The following NKAIN2 variants were observed in gnomAD, a reference collection of about 807,000 sequenced individuals.
NKAIN2 encodes the protein sodium/potassium transporting ATPase interacting 2, also known as sodium/potassium-transporting ATPase subunit beta-1-interacting protein 2.
In NKAIN2, 14 loss-of-function variants were observed where a neutral mutation model predicts 32.6. That is an observed-to-expected ratio of 0.43 (90% CI 0.28 to 0.67). NKAIN2 has a LOEUF of 0.67. Ranked by LOEUF, NKAIN2 falls within the 30% of genes least tolerant of loss-of-function variation. The pLI, the probability that NKAIN2 is intolerant of heterozygous loss-of-function variation, is 0.17. For missense variants in NKAIN2, 198 were observed against 258.3 expected (o/e 0.77, Z 1.60); for synonymous variants, 80 against 87.2 (o/e 0.92, Z 0.46).
At chr6:124,387,719 G>A (rs777503989) in intron 3 of NKAIN2, among the ~76,000 whole-genome samples, 7 of 151,842 alleles carry the variant, frequency 4.6e-5, no homozygotes, top group Admixed American at 2.0e-4. Context: ...CCTATTTTTC[G>A]CCTTTTAAAG....
chr6:124,642,192 T>C (rs1784018856), intron 3 of NKAIN2, among the ~76,000 whole-genome samples: 1 of 152,216 alleles, frequency 6.6e-6, no homozygotes, highest in African/African-American at 2.4e-5. Flanking sequence ...GGGCTGCATT[T>C]CTATAAAGGC....
intron 4 of NKAIN2, among the ~76,000 whole-genome samples, chr6:124,748,732 G>A (rs1374667480): frequency 6.6e-6 from 1 of 151,488 alleles, no homozygotes; most frequent in Non-Finnish European, 1.5e-5. Flanking sequence ...TTTATCTGTG[G>A]GTTTCTCTAG....
chr6:124,426,771 G>A (rs752947803), intron 3 of NKAIN2, among the ~76,000 whole-genome samples: 29 of 152,066 alleles, frequency 1.9e-4, no homozygotes, highest in Non-Finnish European at 3.1e-4. Context: ...GACTCGGTGG[G>A]AGATAATTGA....
intron 2 of NKAIN2, among the ~76,000 whole-genome samples, chr6:124,331,276 C>T (rs953461881): frequency 1.5e-5 from 2 of 133,474 alleles, no homozygotes; most frequent in South Asian, 2.5e-4. Flanking sequence ...ATGAGGCAGG[C>T]GTATCACGAG....
At chr6:124,100,761 G>T (rs1784847055) in intron 1 of NKAIN2, among the ~76,000 whole-genome samples, 1 of 152,112 alleles carries the variant, frequency 6.6e-6, no homozygotes, top group South Asian at 2.1e-4. Context: ...AATAGATGTG[G>T]GGCCCCTAGA....
chr6:123,928,452 T>C (rs1260204606), intron 1 of NKAIN2, among the ~76,000 whole-genome samples: 2 of 152,208 alleles, frequency 1.3e-5, no homozygotes, highest in Non-Finnish European at 2.9e-5. Context: ...CGATCCTTTA[T>C]GTTGTATAGA....
chr6:124,263,825 AT>A (rs34528165), intron 1 of NKAIN2, among the ~76,000 whole-genome samples: 48,305 of 151,972 alleles, frequency 0.32, 9,013 homozygotes, highest in African/African-American at 0.5. Flanking sequence ...TTACTCAGAT[AT>A]GCATAATATC....
rs978635303 is a variant in NKAIN2 at position 124,706,882 on chromosome 6, A to G, written c.474+48496A>G. ...ATACTTTAAGTTTTAGGGTACATGT[A>G]CACATTGTGCAGGTTAGTTACATAT... On this transcript the variant is annotated intron_variant, in intron 4 of 6. Coordinates refer to ENST00000368417, the MANE Select transcript of NKAIN2 (RefSeq NM_001040214.3). Among the ~76,000 whole-genome samples the G allele has an allele frequency of 7.9e-5, 12 of 151,868 alleles. No homozygotes were observed. In the South Asian group the frequency reaches 8.3e-4, roughly 10 times the overall value.
At chr6:124,114,064 G>A (rs1785502953) in intron 1 of NKAIN2, among the ~76,000 whole-genome samples, 1 of 152,090 alleles carries the variant, frequency 6.6e-6, no homozygotes. Context: ...AACACTGTAA[G>A]GTATCTTCCA....
At chr6:124,420,732 G>C (rs965604251) in intron 3 of NKAIN2, among the ~76,000 whole-genome samples, 1 of 152,066 alleles carries the variant, frequency 6.6e-6, no homozygotes, top group African/African-American at 2.4e-5. Flanking sequence ...CATCCAAAGA[G>C]TCTGGTCAAA....
chr6:124,226,761 T>C (rs1792133702), intron 1 of NKAIN2, among the ~76,000 whole-genome samples: 1 of 152,148 alleles, frequency 6.6e-6, no homozygotes, highest in African/African-American at 2.4e-5. Context: ...GTGTCATCTT[T>C]TAAAAATAAG....
intron 3 of NKAIN2, among the ~76,000 whole-genome samples, chr6:124,455,264 G>A (rs1334439525): frequency 2.0e-5 from 3 of 151,994 alleles, no homozygotes; most frequent in African/African-American, 4.8e-5. Flanking sequence ...TGATGTGCGT[G>A]CAAAAGTTTG....
intron 1 of NKAIN2, among the ~76,000 whole-genome samples, chr6:123,859,316 T>C (rs1472188182): frequency 2.6e-5 from 4 of 152,154 alleles, no homozygotes; most frequent in Non-Finnish European, 4.4e-5. Flanking sequence ...AAAATTATAA[T>C]CAAAAGATTA....
At chr6:124,041,368 G>T (rs1781865057) in intron 1 of NKAIN2, among the ~76,000 whole-genome samples, 1 of 151,992 alleles carries the variant, frequency 6.6e-6, no homozygotes, top group Non-Finnish European at 1.5e-5. Context: ...TGTTGGAGAG[G>T]CAGAAATTCT....
chr6:124,519,535 C>T lies in NKAIN2; in HGVS notation c.274-138651C>T, dbSNP rs146255720. ...ATAGAAATTATAACCTTACTTTCTA[C>T]AGCACATTTAGAACAAGGTTACTGT... On this transcript the variant is annotated intron_variant, in intron 3 of 6. Transcript: ENST00000368417. Among the ~76,000 whole-genome samples, 139 of 152,278 alleles carry T rather than the reference C, an allele frequency of 9.1e-4. 1 individual carries two copies. In the East Asian group the frequency reaches 0.019, roughly 21 times the overall value.
At chr6:124,761,378 A>T (rs553426835) in intron 4 of NKAIN2, among the ~76,000 whole-genome samples, 1 of 152,186 alleles carries the variant, frequency 6.6e-6, no homozygotes, top group South Asian at 2.1e-4. Context: ...ACTTCATACC[A>T]CGTTTCCTTT....
chr6:123,956,605 C>T (rs1208571135), intron 1 of NKAIN2, among the ~76,000 whole-genome samples: 3 of 152,182 alleles, frequency 2.0e-5, no homozygotes, highest in Non-Finnish European at 4.4e-5. Flanking sequence ...ATTTAAGCCA[C>T]CCCATCTGTG....
intron 1 of NKAIN2, among the ~76,000 whole-genome samples, chr6:123,824,957 T>A (rs192088159): frequency 7.9e-5 from 12 of 152,204 alleles, no homozygotes; most frequent in Non-Finnish European, 1.5e-4. Context: ...CTTAACCCAT[T>A]TGGGCTGCTG....
chr6:124,249,652 C>A (rs1297624987), intron 1 of NKAIN2, among the ~76,000 whole-genome samples: 1 of 151,968 alleles, frequency 6.6e-6, no homozygotes, highest in South Asian at 2.1e-4. Context: ...ACAAGGAATC[C>A]AAACAGTACC....
Sources: gnomAD v4.1 joint callset for allele counts (sites outside exome capture counted in the v4.1 genomes callset) on GRCh38, gnomAD v4.1.1 for gene constraint, MANE v1.5 for transcripts, NCBI Gene and HGNC (gene_info 2026-07-23, HGNC 2026-07-21) for gene names.